Variants in IL6ST observed in about 807,000 individuals in gnomAD.
IL6ST encodes interleukin-6 receptor subunit beta.
In IL6ST, 24 loss-of-function variants were observed where a neutral mutation model predicts 91.3. The ratio of observed to expected loss-of-function variants is 0.26; its 90% CI spans 0.19 to 0.37. IL6ST has a LOEUF of 0.37. Ranked by LOEUF, IL6ST falls within the 10% of genes least tolerant of loss-of-function variation. The pLI, the probability that IL6ST is intolerant of heterozygous loss-of-function variation, is 1.00. For missense variants in IL6ST, 914 were observed against 1,078.5 expected (o/e 0.85, Z 2.14); for synonymous variants, 351 against 373.6 (o/e 0.94, Z 0.70).
chr5:55,942,387 G>C (rs1030866736), intron 16 of IL6ST, among the ~76,000 whole-genome samples: 1 of 152,092 alleles, frequency 6.6e-6, no homozygotes, highest in Non-Finnish European at 1.5e-5. Flanking sequence ...TTTTCAGTTT[G>C]CAAGTTCAAC....
intron 1 of IL6ST, among the ~76,000 whole-genome samples, chr5:55,990,351 T>G (rs560927531): frequency 2.0e-5 from 3 of 152,310 alleles, no homozygotes; most frequent in Admixed American, 6.5e-5. Flanking sequence ...CTGAAGCCTT[T>G]CACATTGTTG....
chr5:55,947,170 T>C (rs1192735866), intron 15 of IL6ST, among the ~76,000 whole-genome samples: 1 of 152,066 alleles, frequency 6.6e-6, no homozygotes, highest in East Asian at 1.9e-4. Context: ...CTGCACTCCA[T>C]CCTGGGCAAC....
At chr5:55,992,638 C>A (rs1754397339) in intron 1 of IL6ST, among the ~76,000 whole-genome samples, 2 of 152,144 alleles carry the variant, frequency 1.3e-5, no homozygotes, top group Non-Finnish European at 2.9e-5. Context: ...CAAGCTAGTC[C>A]TATATTATGT....
intron 3 of IL6ST, among the ~76,000 whole-genome samples, chr5:55,975,619 A>C (rs1048420242): frequency 6.6e-6 from 1 of 152,054 alleles, no homozygotes; most frequent in Non-Finnish European, 1.5e-5. Flanking sequence ...TTTCCTGCCT[A>C]TGCCTCCCAA....
In IL6ST at chr5:55,936,838, T is replaced by A. The variant is rs777558218; in HGVS notation, c.*4244A>T. 5.1e-6 allele frequency: 1 copy of A among 194,248 alleles called. No individual in the cohort carries two copies. The highest frequency in any genetic ancestry group is 1.1e-5 in the Non-Finnish European group (1 of 93,478). 12.0% of individuals were successfully genotyped at this position (194,248 alleles called of 1,614,324 possible). On this transcript the variant is annotated 3_prime_UTR_variant, in exon 17 of 17. Transcript: ENST00000381298. The stretch of plus-strand genomic sequence containing the variant: ...ACAAGCCTTCCAAATGAAGTTAGAG[T>A]AGATGGGGTAAAACAGCAAGTGAAC...
intron 2 of IL6ST, among the ~76,000 whole-genome samples, chr5:55,977,519 G>A (rs1369800521): frequency 6.6e-6 from 1 of 152,048 alleles, no homozygotes; most frequent in Non-Finnish European, 1.5e-5. Context: ...TGATTGTGGT[G>A]GTGACTATAA....
chr5:55,950,056 G>A, intron 14 of IL6ST: 1 of 281,584 alleles, frequency 3.6e-6, no homozygotes, highest in Admixed American at 4.0e-5. Flanking sequence ...AAATGATGAT[G>A]AAAGGGTACG....
intron 7 of IL6ST, among the ~76,000 whole-genome samples, chr5:55,961,586 C>G (rs1752319682): frequency 6.6e-6 from 1 of 151,988 alleles, no homozygotes; most frequent in Non-Finnish European, 1.5e-5. Context: ...GGTGAAACCC[C>G]ATCTCTACTA....
At chr5:55,947,376 G>C (rs2111636400) in intron 15 of IL6ST, 117 bp downstream of exon 15, 1 of 668,102 alleles carries the variant, frequency 1.5e-6, no homozygotes, top group Admixed American at 2.9e-5. Flanking sequence ...TTATACATCT[G>C]TATGTAATTA....
rs776144829 is a variant in IL6ST at position 55,956,207 on chromosome 5, T to C, written c.1085A>G (p.Lys362Arg). 1 of 1,608,670 alleles carries C rather than the reference T, an allele frequency of 6.2e-7. No homozygotes were observed. The highest frequency in any genetic ancestry group is 8.5e-7 in the Non-Finnish European group (1 of 1,175,230). ...GAGAGTCACTTCATAATCCAAGATT[T>C]TTCCATTGGCTTCAAAAGGAGGCAA... ...KTLPPFEANG[K>R]ILDYEVTLTR... is the part of the protein sequence containing the mutation. Residue 362 changes from lysine (K) to arginine (R), a missense_variant, in exon 10 of 17, where the codon AAA becomes AGA. Physicochemically the swap from Lys to Arg is conservative, Grantham distance 26. Transcript: ENST00000381298.
chr5:55,952,228 AAAG>A lies in IL6ST; in HGVS notation c.1552+19_1552+21del. 6.4e-7 allele frequency: 1 copy of A among 1,565,572 alleles called. No individual in the cohort carries two copies. The highest frequency in any genetic ancestry group is 8.7e-7 in the Non-Finnish European group (1 of 1,149,542). ...TACAAAGCCCTAAACTTTTTTTTTC[AAAG>A]AAGTGAGTTTGGACTTACGAGCTTG... On this transcript the variant is annotated intron_variant, in intron 12 of 16. Transcript: ENST00000381298.
At chr5:55,947,939 A>G (rs1751376272) in intron 14 of IL6ST, among the ~76,000 whole-genome samples, 1 of 152,244 alleles carries the variant, frequency 6.6e-6, no homozygotes, top group Non-Finnish European at 1.5e-5. Context: ...GAATCTTAGT[A>G]AAAGTTTATC....
Position 55,993,546 on chromosome 5 carries a change from TTGCC to T in IL6ST, c.-104+1234_-104+1237del, listed in dbSNP as rs147878769. Among the ~76,000 whole-genome samples the T allele has an allele frequency of 5.3e-5, 8 of 152,304 alleles. No homozygotes were observed. In the East Asian group the frequency reaches 1.5e-3, roughly 29 times the overall value. ...GCAGCAGTATTTATAATAATCTAAA[TTGCC>T]TGTGAGAAAATTAAACTGGTATTGT... On this transcript the variant is annotated intron_variant, in intron 1 of 16. Coordinates refer to ENST00000381298, the MANE Select transcript of IL6ST (RefSeq NM_002184.4).
chr5:55,965,091 CAT>C (rs1344379002), intron 5 of IL6ST, among the ~76,000 whole-genome samples: 1 of 152,032 alleles, frequency 6.6e-6, no homozygotes, highest in Admixed American at 6.6e-5. Flanking sequence ...CAAAATGAAA[CAT>C]ATGAACTTGT....
chr5:55,994,069 AAG>A (rs1754495415), intron 1 of IL6ST: 1 of 150,754 alleles, frequency 6.6e-6, no homozygotes. Flanking sequence ...AAAAAAAAAA[AAG>A]GTGACGTCTT....
chr5:55,975,541 TA>T (rs923666861), intron 3 of IL6ST, among the ~76,000 whole-genome samples: 9 of 148,556 alleles, frequency 6.1e-5, no homozygotes, highest in African/African-American at 7.4e-5. Flanking sequence ...CTTGGCTAAT[TA>T]AAAAAAAAAA....
rs984192285 is a variant in IL6ST, at chr5:55,937,599, G to C, written c.*3483C>G. The C allele has an allele frequency of 5.0e-6, 1 of 200,456 alleles. No individual in the cohort carries two copies. Among genetic ancestry groups the C allele is most frequent in the Middle Eastern group, 1.7e-3 (1 of 600 alleles). 12.4% of individuals were successfully genotyped at this position (200,456 alleles called of 1,614,324 possible). On this transcript the variant is annotated 3_prime_UTR_variant, in exon 17 of 17. Coordinates refer to ENST00000381298, the MANE Select transcript of IL6ST (RefSeq NM_002184.4). ...AAATCAATGACAATGTCCAATTTTA[G>C]GCTAATCCTAAAACACTTGCCATTT...
At position 55,939,187 on chromosome 5, in the gene IL6ST, C is replaced by T. The variant is rs1750727578; in HGVS notation, c.*1895G>A. The T allele has an allele frequency of 4.7e-6, 1 of 213,846 alleles. No homozygotes were observed. The highest frequency in any genetic ancestry group is 1.9e-4 in the South Asian group (1 of 5,356). The allele number at this position is 213,846 out of a possible 1,614,324, so 13.2% of individuals were successfully genotyped here. On this transcript the variant is annotated 3_prime_UTR_variant, in exon 17 of 17. Transcript: ENST00000381298. ...CAAATCCAGCCCAGCCTTTGATGAT[C>T]AACTTAAAAGCTGGAGATGTCATTA...
Position 55,942,651 on chromosome 5 carries a change from C to T in IL6ST, c.2019+19G>A, listed in dbSNP as rs1330748737. On this transcript the variant is annotated intron_variant, in intron 16 of 16. Transcript: ENST00000381298. The stretch of plus-strand genomic sequence containing the variant: ...ACATGTCTGTATATTATAAACAACT[C>T]AGAAGCATTTTCTCTTACCCTTGGA... 2 of 1,438,790 alleles carry T rather than the reference C, an allele frequency of 1.4e-6. No individual in the cohort carries two copies. Among genetic ancestry groups the T allele is most frequent in the South Asian group, 2.3e-5 (2 of 86,782 alleles). 89.1% of individuals were successfully genotyped at this position (1,438,790 alleles called of 1,614,324 possible).
Sources: allele counts gnomAD v4.1 joint callset (sites outside exome capture counted in the v4.1 genomes callset), GRCh38; gene constraint gnomAD v4.1.1; transcripts MANE v1.5; gene names NCBI Gene and HGNC (gene_info 2026-07-23, HGNC 2026-07-21).